The following ZNF644 variants were observed in gnomAD, a reference collection of about 807,000 sequenced individuals.
ZNF644 encodes zinc finger protein 644, also known as zinc finger motif enhancer binding protein 2.
Under a neutral mutation model 108.0 loss-of-function variants are expected in ZNF644, and 20 were observed. That is an observed-to-expected ratio of 0.19 (90% confidence interval 0.13 to 0.27). The LOEUF is 0.27. ZNF644 is among the 10% of genes least tolerant of loss of function. The pLI, the probability that ZNF644 is intolerant of heterozygous loss-of-function variation, is 1.00. For missense variants in ZNF644, 1,338 were observed against 1,548.9 expected, an observed-to-expected ratio of 0.86 and a Z score of 2.29; for synonymous variants, 542 against 539.1, an observed-to-expected ratio of 1.01 and a Z score of -0.08.
chr1:90,915,593 T>TA lies in ZNF644; in HGVS notation c.*1204dup, dbSNP rs1648682077. ...CCTAATTGTTTTTGGAAAAAATTTT[T>TA]AAAAAGAATCACAATTTATCATGAC... On this transcript the variant is annotated 3_prime_UTR_variant, in exon 6 of 6. Coordinates refer to ENST00000337393, the MANE Select transcript of ZNF644 (RefSeq NM_201269.3). 1 of 152,540 alleles carries TA rather than the reference T, an allele frequency of 6.6e-6. No homozygotes were observed. Among genetic ancestry groups the TA allele is most frequent in the Non-Finnish European group, 1.5e-5 (1 of 67,986 alleles). The allele number at this position is 152,540 out of a possible 1,614,324, so 9.4% of individuals were successfully genotyped here. A position where few individuals can be genotyped will look rare whatever the true frequency, so the allele number is the denominator to read the frequency against.
chr1:90,995,456 G>A (rs902750077), intron 1 of ZNF644, among the ~76,000 whole-genome samples: 1 of 151,786 alleles, frequency 6.6e-6, no homozygotes, highest in African/African-American at 2.4e-5. Flanking sequence ...AATGAGATGA[G>A]CATAAAAAAT....
chr1:90,970,994 A>T (rs1655401138), intron 2 of ZNF644, among the ~76,000 whole-genome samples: 1 of 87,480 alleles, frequency 1.1e-5, no homozygotes, highest in African/African-American at 3.7e-5. Context: ...GCGAGACTCC[A>T]TTTCAAAAAA....
intron 4 of ZNF644, among the ~76,000 whole-genome samples, chr1:90,922,474 T>C (rs1649560168): frequency 6.6e-6 from 1 of 152,134 alleles, no homozygotes; most frequent in Non-Finnish European, 1.5e-5. Context: ...TAAATCATCA[T>C]TCTATCACTA....
Position 90,938,007 on chromosome 1 carries a change from G to T in ZNF644, c.3166C>A (p.His1056Asn). 1 of 1,611,170 alleles carries T rather than the reference G, an allele frequency of 6.2e-7. No individual in the cohort carries two copies. Residue 1056 changes from histidine (H) to asparagine (N), a missense_variant, in exon 4 of 6, where the codon CAT becomes AAT. By Grantham distance (68) the His-to-Asn change is moderately conservative. Coordinates refer to ENST00000337393, the MANE Select transcript of ZNF644 (RefSeq NM_201269.3). The surrounding 1 kb of genome is among the most constrained non-coding windows in gnomAD (Gnocchi z 4.2). Reference sequence around the variant, plus strand: ...AGTCTTTTCAAGTGGCCTCTAACATGATTTGATAATCCAATTTTAGTATCA... The same window carrying T: ...AGTCTTTTCAAGTGGCCTCTAACATTATTTGATAATCCAATTTTAGTATCA... ...WFDTKIGLSN[H>N]VRGHLKRLGK...
intron 2 of ZNF644, 27 bp downstream of exon 2, chr1:90,982,283 C>G: frequency 6.3e-7 from 1 of 1,581,458 alleles, no homozygotes; most frequent in Non-Finnish European, 8.7e-7. Flanking sequence ...TTGATATGTA[C>G]ATTTAACAAA....
chr1:90,941,844 T>TTA (rs542031511), intron 2 of ZNF644, among the ~76,000 whole-genome samples: 205 of 152,288 alleles, frequency 1.3e-3, no homozygotes, highest in African/African-American at 4.7e-3. Context: ...GTAAATAACT[T>TTA]TATTGAATGA....
chr1:91,007,364 C>T (rs1443396738), intron 1 of ZNF644, among the ~76,000 whole-genome samples: 1 of 150,704 alleles, frequency 6.6e-6, no homozygotes, highest in Non-Finnish European at 1.5e-5. Flanking sequence ...CGGGTGCATA[C>T]CAACATGCCC....
At chr1:90,961,277 CAA>C (rs1654317095) in intron 2 of ZNF644, among the ~76,000 whole-genome samples, 2 of 152,004 alleles carry the variant, frequency 1.3e-5, no homozygotes, top group South Asian at 4.2e-4. Context: ...TCTGCAAAAA[CAA>C]AACAATTAAA....
At position 90,937,688 on chromosome 1, in the gene ZNF644, C is replaced by T. The variant is rs1259140787; in HGVS notation, c.3485G>A (p.Ser1162Asn). The change falls in exon 4 of 6, where the codon AGT becomes AAT. Residue 1162 changes from serine (S) to asparagine (N), a missense_variant. Around this residue, in one of 6 missense-constraint regions of ZNF644, gnomAD observed 287 missense variants for 310.9 expected, o/e 0.92. Coordinates refer to ENST00000337393, the MANE Select transcript of ZNF644 (RefSeq NM_201269.3). ...EYDETKPELPSGKKNQSLTLI... is the reference protein window; with the variant it reads ...EYDETKPELPNGKKNQSLTLI... ...TGTAAGAGACTGATTCTTTTTCCCA[C>T]TGGGCAGTTCTGGTTTTGTTTCATC... The T allele has an allele frequency of 1.2e-6, 2 of 1,613,922 alleles. No individual in the cohort carries two copies. Among genetic ancestry groups the T allele is most frequent in the East Asian group, 2.2e-5 (1 of 44,864 alleles).
chr1:90,959,118 TCA>T (rs1570436040), intron 2 of ZNF644, among the ~76,000 whole-genome samples: 1 of 151,978 alleles, frequency 6.6e-6, no homozygotes, highest in East Asian at 1.9e-4. Flanking sequence ...CAGATATTTC[TCA>T]AAAAAAGATA....
At chr1:91,013,601 G>A (rs1036916899) in intron 1 of ZNF644, among the ~76,000 whole-genome samples, 1 of 151,818 alleles carries the variant, frequency 6.6e-6, no homozygotes, top group African/African-American at 2.4e-5. Flanking sequence ...CTTCTTTATG[G>A]GAATATTCTT....
intron 1 of ZNF644, among the ~76,000 whole-genome samples, chr1:90,991,203 A>G (rs2101589606): frequency 6.6e-6 from 1 of 152,298 alleles, no homozygotes; most frequent in South Asian, 2.1e-4. Context: ...TGTTACTGGG[A>G]AACTGCAAAT....
Position 90,940,968 on chromosome 1 carries a change from G to C in ZNF644, c.386C>G (p.Ser129Cys), listed in dbSNP as rs1254072104. 1.9e-6 allele frequency: 3 copies of C among 1,613,918 alleles called. No individual in the cohort carries two copies. The highest frequency in any genetic ancestry group is 2.7e-5 in the African/African-American group (2 of 74,896). Reference protein sequence around the residue: ...PVSHSSLTKTSNMNKGSVSLT... With the variant: ...PVSHSSLTKTCNMNKGSVSLT... ...TGAAACACTGCCTTTATTCATATTG[G>C]AAGTCTTAGTTAAGGAGGAGTGTGA... The change falls in exon 3 of 6, where the codon TCC (serine) becomes TGC (cysteine). Residue 129 changes from serine to cysteine, a missense_variant. Ser to Cys is a moderately radical substitution (Grantham distance 112, BLOSUM62 -1). Transcript: ENST00000337393.
rs368791462 is a variant in ZNF644 at position 91,005,326 on chromosome 1, T to C, written c.-18+16664A>G. Among the ~76,000 whole-genome samples, 83 of 152,132 alleles carry C rather than the reference T, an allele frequency of 5.5e-4. 1 individual carries two copies. The highest frequency in any genetic ancestry group is 2.0e-3 in the African/African-American group (81 of 41,530). ...CACCTAATAAGAGAACCCCAAAATATATGAAGTAGAAACTGACAGAATTGA... is the reference window on the plus strand; with the variant it reads ...CACCTAATAAGAGAACCCCAAAATACATGAAGTAGAAACTGACAGAATTGA... On this transcript the variant is annotated intron_variant, in intron 1 of 5. Transcript: ENST00000337393.
chr1:90,934,030 T>C (rs191677311), intron 4 of ZNF644, among the ~76,000 whole-genome samples: 2 of 152,320 alleles, frequency 1.3e-5, no homozygotes, highest in East Asian at 3.9e-4. Context: ...TTAGCAAGTA[T>C]GGTAACAATA....
At chr1:91,005,571 T>C (rs527286193) in intron 1 of ZNF644, among the ~76,000 whole-genome samples, 20 of 152,080 alleles carry the variant, frequency 1.3e-4, no homozygotes, top group Non-Finnish European at 2.4e-4. Flanking sequence ...ATAAAAATCA[T>C]AGAGAGTACG....
At chr1:90,987,057 C>T (rs1657170026) in intron 1 of ZNF644, among the ~76,000 whole-genome samples, 1 of 145,124 alleles carries the variant, frequency 6.9e-6, no homozygotes, top group Non-Finnish European at 1.5e-5. Context: ...CAAAAGCTTA[C>T]ATGTTTAAAA....
At chr1:90,970,306 T>C (rs1244054563) in intron 2 of ZNF644, among the ~76,000 whole-genome samples, 1 of 152,184 alleles carries the variant, frequency 6.6e-6, no homozygotes, top group East Asian at 1.9e-4. Flanking sequence ...TCAAAATAAA[T>C]TGCTAACTAT....
intron 1 of ZNF644, among the ~76,000 whole-genome samples, chr1:91,007,044 T>C (rs1221110600): frequency 6.6e-6 from 1 of 152,072 alleles, no homozygotes; most frequent in Non-Finnish European, 1.5e-5. Flanking sequence ...TTCTTTGTGC[T>C]CCATTCCTGA....
Sources: gnomAD v4.1 joint callset for allele counts (sites outside exome capture counted in the v4.1 genomes callset) on GRCh38, gnomAD v4.1.1 for gene constraint, gnomAD v4.1.1 regional missense constraint, Gnocchi (gnomAD v3.1) non-coding constraint, MANE v1.5 for transcripts, NCBI Gene and HGNC (gene_info 2026-07-23, HGNC 2026-07-21) for gene names.